FTCD: variants seen among roughly 807,000 people sequenced by gnomAD.
FTCD encodes the protein formimidoyltransferase-cyclodeaminase.
A neutral mutation model predicts 62.9 loss-of-function variants in FTCD; 76 were observed. The observed-to-expected ratio is 1.21, with a 90% CI of 1.00 to 1.46. The LOEUF is 1.46. Among genes scored for constraint, FTCD ranks in the 40% most tolerant of loss-of-function variants. The pLI is 0.00. For missense variants in FTCD, 845 were observed against 751.3 expected (o/e 1.12, Z -1.46); for synonymous variants, 397 against 336.9 (o/e 1.18, Z -1.95).
intron 7 of FTCD, among the ~76,000 whole-genome samples, chr21:46,148,701 C>T (rs922384409): frequency 6.6e-6 from 1 of 152,316 alleles, no homozygotes. Flanking sequence ...CCCACTGAGG[C>T]GCTTTTAAAA....
At chr21:46,137,665 G>T (rs1397105158) in intron 12 of FTCD, among the ~76,000 whole-genome samples, 1 of 152,252 alleles carries the variant, frequency 6.6e-6, no homozygotes, top group East Asian at 1.9e-4. Context: ...CAGGCTAACG[G>T]CCCGCCCACT....
chr21:46,147,994 G>A (rs1409480920), intron 7 of FTCD, among the ~76,000 whole-genome samples: 2 of 151,760 alleles, frequency 1.3e-5, no homozygotes, highest in East Asian at 1.9e-4. Flanking sequence ...GAAAGCAGAC[G>A]GGGCCTCACA....
intron 10 of FTCD, chr21:46,139,155 A>T (rs2078939583): frequency 1.7e-6 from 1 of 591,844 alleles, no homozygotes; most frequent in African/African-American, 1.9e-5. Flanking sequence ...CGGGGATGTG[A>T]GAAGCAGGTA....
At chr21:46,142,625 A>G (rs531970984) in intron 10 of FTCD, 17 of 152,394 alleles carry the variant, frequency 1.1e-4, no homozygotes, top group Admixed American at 1.1e-3. Context: ...GCGAAGGCCC[A>G]AAGAGTAAGC....
Position 46,151,878 on chromosome 21 carries a change from C to G in FTCD, c.456+14G>C. 1 of 1,555,414 alleles carries G rather than the reference C, an allele frequency of 6.4e-7. No individual in the cohort carries two copies. The highest frequency in any genetic ancestry group is 8.7e-7 in the Non-Finnish European group (1 of 1,149,040). ...CACCTCCTTCCCAGGCCCGACCGCC[C>G]GGGGTGGGGGCACCTTCTTAGGGAG... is the stretch of plus-strand genomic sequence containing the variant. On this transcript the variant is annotated intron_variant, in intron 4 of 13. Coordinates refer to ENST00000397746, the MANE Select transcript of FTCD (RefSeq NM_206965.2).
intron 7 of FTCD, among the ~76,000 whole-genome samples, chr21:46,149,077 T>G (rs2079209574): frequency 6.6e-6 from 1 of 152,030 alleles, no homozygotes; most frequent in Non-Finnish European, 1.5e-5. Context: ...TATACACAAA[T>G]AAATGGGGCA....
At chr21:46,139,574 C>T (rs2078949217) in intron 10 of FTCD, among the ~76,000 whole-genome samples, 1 of 152,240 alleles carries the variant, frequency 6.6e-6, no homozygotes, top group South Asian at 2.1e-4. Flanking sequence ...ATGCTCACTT[C>T]ATCTTGGAAG....
rs144080295 is a variant in FTCD, at chr21:46,151,583, C to T, written c.611G>A (p.Arg204Gln). 35 of 1,612,736 alleles carry T rather than the reference C, an allele frequency of 2.2e-5. No homozygotes were observed. The highest frequency in any genetic ancestry group is 1.6e-4 in the Middle Eastern group (1 of 6,082). ...EQAHRIALNL[R>Q]EQGRGKDQPG... ...CTGGTCCTTCCCGCGGCCCTGCTCCCGCAGGTTGAGCGCGATGCGGTGGGC... is the reference window on the plus strand; with the variant it reads ...CTGGTCCTTCCCGCGGCCCTGCTCCTGCAGGTTGAGCGCGATGCGGTGGGC... Residue 204 changes from arginine (R) to glutamine (Q), a missense_variant, in exon 5 of 14, where the codon CGG becomes CAG. Transcript: ENST00000397746.
chr21:46,138,749 G>A (rs2078928557), intron 11 of FTCD, 103 bp from the exon 12 acceptor site: 2 of 1,460,320 alleles, frequency 1.4e-6, no homozygotes, highest in South Asian at 1.1e-5. Flanking sequence ...AGCGGGCGAT[G>A]GGAAGTCATT....
At chr21:46,148,096 G>A (rs538095804) in intron 7 of FTCD, among the ~76,000 whole-genome samples, 2 of 152,210 alleles carry the variant, frequency 1.3e-5, no homozygotes, top group South Asian at 2.1e-4. Flanking sequence ...CTAAAACTCT[G>A]GAATTTCAGT....
intron 7 of FTCD, among the ~76,000 whole-genome samples, chr21:46,148,451 C>T (rs1194585609): frequency 6.6e-6 from 1 of 152,014 alleles, no homozygotes; most frequent in Non-Finnish European, 1.5e-5. Flanking sequence ...AGAGCAAAAC[C>T]CCATCTGTAC....
chr21:46,136,466 C>A (rs1028144927), downstream of FTCD: 1 of 1,612,544 alleles, frequency 6.2e-7, no homozygotes, highest in African/African-American at 1.3e-5. Flanking sequence ...ATCCTTCCAG[C>A]GTCGAAGGTC....
chr21:46,138,712 C>T (rs2078927821), intron 11 of FTCD, 66 bp from the exon 12 acceptor site: 9 of 1,530,724 alleles, frequency 5.9e-6, no homozygotes, highest in African/African-American at 2.7e-5. Context: ...ACACACTGCA[C>T]CCCAACAGGG....
Position 46,155,409 on chromosome 21 carries a change from G to A in FTCD, c.54+61C>T. The A allele has an allele frequency of 2.2e-6, 3 of 1,387,390 alleles. No individual in the cohort carries two copies. In the African/African-American group the frequency reaches 4.2e-5, roughly 20 times the overall value. 85.9% of individuals were successfully genotyped at this position (1,387,390 alleles called of 1,614,324 possible). ...GCCCACCACCTCCTCCATGGCCTGG[G>A]CCTTAGCCACTCAAGCTGCCCCATC... On this transcript the variant is annotated intron_variant, in intron 1 of 13. Coordinates refer to ENST00000397746, the MANE Select transcript of FTCD (RefSeq NM_206965.2).
At chr21:46,141,573 A>G (rs2079007136) in intron 10 of FTCD, among the ~76,000 whole-genome samples, 1 of 152,184 alleles carries the variant, frequency 6.6e-6, no homozygotes, top group Non-Finnish European at 1.5e-5. Flanking sequence ...ACTGTGATAC[A>G]AGACCCAAAA....
chr21:46,146,419 G>C (rs2123535525), intron 7 of FTCD, 92 bp from the exon 8 acceptor site: 1 of 855,834 alleles, frequency 1.2e-6, no homozygotes, highest in East Asian at 2.6e-5. Flanking sequence ...TGCGGCAGCC[G>C]CCCCCTGCCC....
intron 10 of FTCD, chr21:46,142,134 G>A (rs1395665661): frequency 6.6e-6 from 1 of 152,268 alleles, no homozygotes; most frequent in African/African-American, 2.4e-5. Flanking sequence ...GACTGGAAAC[G>A]GTGATCAGCG....
intron 12 of FTCD, 80 bp from the exon 13 acceptor site, chr21:46,137,414 T>G: frequency 9.0e-7 from 1 of 1,111,778 alleles, no homozygotes; most frequent in Non-Finnish European, 1.4e-6. Context: ...TGACGGGCTC[T>G]GGGACAGGCC....
intron 1 of FTCD, among the ~76,000 whole-genome samples, chr21:46,155,090 G>A (rs1445486179): frequency 3.3e-5 from 5 of 152,210 alleles, no homozygotes; most frequent in African/African-American, 1.2e-4. Context: ...GCGGCAGTGG[G>A]GACCATGCTG....
Sources: gnomAD v4.1 joint callset for allele counts (sites outside exome capture counted in the v4.1 genomes callset) on GRCh38, gnomAD v4.1.1 for gene constraint, MANE v1.5 for transcripts, NCBI Gene and HGNC (gene_info 2026-07-23, HGNC 2026-07-21) for gene names.